LINGO2: variants seen among roughly 807,000 people sequenced by gnomAD.
LINGO2 encodes the protein leucine-rich repeat and immunoglobulin-like domain-containing nogo receptor-interacting protein 2.
A neutral mutation model predicts 30.6 loss-of-function variants in LINGO2; 14 were observed. That is an observed-to-expected ratio of 0.46 (90% confidence interval 0.30 to 0.72). The LOEUF (loss-of-function observed/expected upper bound fraction) is 0.72, where lower values mean the gene tolerates loss of function less well. Ranked by LOEUF, LINGO2 falls within the 30% of genes least tolerant of loss-of-function variation. The pLI is 0.07. For synonymous variants in LINGO2, 317 were observed against 288.5 expected (o/e 1.10, Z -1.00); for missense variants, 729 against 751.7 (o/e 0.97, Z 0.35).
the LINGO2 span, among the ~76,000 whole-genome samples, chr9:28,869,554 G>A: frequency 1.3e-5 from 2 of 151,930 alleles, no homozygotes; most frequent in African/African-American, 4.8e-5. Flanking sequence ...GTATGACAGA[G>A]AAATAGCAAG....
At chr9:27,954,035 A>C (rs1040014913) in intron 5 of LINGO2, among the ~76,000 whole-genome samples, 1 of 152,164 alleles carries the variant, frequency 6.6e-6, no homozygotes, top group African/African-American at 2.4e-5. Context: ...TACCTGTATT[A>C]CTTTTATAAT....
chr9:29,025,221 A>G, the LINGO2 span, among the ~76,000 whole-genome samples: 1,941 of 152,258 alleles, frequency 0.013, 16 homozygotes, highest in Non-Finnish European at 0.021. Context: ...GAAGCAAAAT[A>G]TATAATGAGA....
intron 4 of LINGO2, among the ~76,000 whole-genome samples, chr9:28,196,304 A>C (rs1178255177): frequency 6.6e-6 from 1 of 151,734 alleles, no homozygotes; most frequent in Non-Finnish European, 1.5e-5. Flanking sequence ...TCTGAAAATA[A>C]ATAATGTAAT....
At chr9:29,160,636 A>T in the LINGO2 span, among the ~76,000 whole-genome samples, 15 of 152,240 alleles carry the variant, frequency 9.9e-5, no homozygotes, top group Non-Finnish European at 7.3e-5. Context: ...AAGAAGTTAT[A>T]AAGTTACATA....
chr9:28,828,983 C>T, the LINGO2 span, among the ~76,000 whole-genome samples: 1 of 152,262 alleles, frequency 6.6e-6, no homozygotes, highest in East Asian at 1.9e-4. Flanking sequence ...AAAGTGAGAA[C>T]ATGCAATCCT....
At chr9:28,306,368 C>A (rs1297693333) in intron 3 of LINGO2, among the ~76,000 whole-genome samples, 2 of 152,088 alleles carry the variant, frequency 1.3e-5, no homozygotes, top group East Asian at 3.9e-4. Context: ...TAAGGATGTT[C>A]TTTGAAACCT....
intron 1 of LINGO2, among the ~76,000 whole-genome samples, chr9:28,611,352 T>G (rs1825907032): frequency 8.6e-6 from 1 of 116,234 alleles, no homozygotes; most frequent in South Asian, 2.8e-4. Flanking sequence ...TTAACATTTG[T>G]GTGTGTGTGT....
intron 5 of LINGO2, among the ~76,000 whole-genome samples, chr9:27,990,467 C>CA (rs540383744): frequency 1.3e-4 from 15 of 111,504 alleles, no homozygotes; most frequent in Admixed American, 1.2e-3. Flanking sequence ...TCAATACCCC[C>CA]CCCCCTTTTA....
At chr9:29,061,512 A>T in the LINGO2 span, among the ~76,000 whole-genome samples, 5 of 152,164 alleles carry the variant, frequency 3.3e-5, no homozygotes, top group African/African-American at 9.6e-5. Context: ...AATAGAGTCT[A>T]GTCCAGAAAT....
the LINGO2 span, among the ~76,000 whole-genome samples, chr9:29,180,834 C>T: frequency 3.9e-5 from 6 of 151,978 alleles, no homozygotes; most frequent in African/African-American, 9.7e-5. Context: ...TATCCAAGAT[C>T]GCAAAATAAC....
chr9:28,184,165 T>C (rs1446892099), intron 4 of LINGO2, among the ~76,000 whole-genome samples: 20 of 151,940 alleles, frequency 1.3e-4, no homozygotes, highest in Admixed American at 1.3e-3. Flanking sequence ...GAGGGTAAAA[T>C]AGAAGGGGAG....
intron 1 of LINGO2, among the ~76,000 whole-genome samples, chr9:28,506,965 A>G (rs1030948463): frequency 7.9e-5 from 12 of 152,112 alleles, no homozygotes; most frequent in African/African-American, 2.9e-4. Flanking sequence ...AGAATTACAA[A>G]GGGAAAGAAC....
chr9:28,402,437 A>C (rs187438840), intron 2 of LINGO2, among the ~76,000 whole-genome samples: 33 of 152,264 alleles, frequency 2.2e-4, no homozygotes, highest in African/African-American at 6.7e-4. Flanking sequence ...ATCATCATCA[A>C]GGTGTCAAAA....
At chr9:28,723,951 C>CT in the LINGO2 span, among the ~76,000 whole-genome samples, 4 of 151,868 alleles carry the variant, frequency 2.6e-5, no homozygotes, top group African/African-American at 4.8e-5. Context: ...ATGAGCTATT[C>CT]TTTTTTTTCC....
the LINGO2 span, among the ~76,000 whole-genome samples, chr9:29,098,469 G>GCA: frequency 8.2e-5 from 12 of 146,256 alleles, no homozygotes; most frequent in Admixed American, 2.7e-4. Flanking sequence ...ACACACATAT[G>GCA]CGCACACACA....
intron 4 of LINGO2, among the ~76,000 whole-genome samples, chr9:28,056,664 A>G (rs1290815631): frequency 2.0e-5 from 3 of 152,164 alleles, no homozygotes; most frequent in Admixed American, 1.3e-4. Flanking sequence ...GAATGATCTT[A>G]GATATGTCAC....
At chr9:29,007,394 G>A in the LINGO2 span, among the ~76,000 whole-genome samples, 4 of 151,890 alleles carry the variant, frequency 2.6e-5, no homozygotes, top group Non-Finnish European at 5.9e-5. Flanking sequence ...CAAAATATAC[G>A]CCTAAATAAT....
At chr9:29,150,968 G>T in the LINGO2 span, among the ~76,000 whole-genome samples, 3 of 151,936 alleles carry the variant, frequency 2.0e-5, no homozygotes, top group African/African-American at 7.3e-5. Context: ...TCATCAAGGT[G>T]AATGCAAACA....
At chr9:28,424,638 C>T (rs543160049) in intron 2 of LINGO2, among the ~76,000 whole-genome samples, 38 of 152,184 alleles carry the variant, frequency 2.5e-4, no homozygotes, top group Middle Eastern at 3.4e-3. Flanking sequence ...ACATGTAAGC[C>T]GACGTCATTT....
Sources: allele counts gnomAD v4.1 joint callset (sites outside exome capture counted in the v4.1 genomes callset), GRCh38; gene constraint gnomAD v4.1.1; transcripts MANE v1.5; gene names NCBI Gene and HGNC (gene_info 2026-07-23, HGNC 2026-07-21).